CLDN14: variants seen among roughly 807,000 people sequenced by gnomAD.
CLDN14 encodes the protein claudin-14.
CLDN14 carries 2 observed loss-of-function variants against 2.1 expected under a neutral mutation model. That is an observed-to-expected ratio of 0.96 (90% CI 0.39 to 3.01). The LOEUF is 3.01. Among genes scored for constraint, CLDN14 ranks in the 30% most tolerant of loss-of-function variants. The probability of loss-of-function intolerance (pLI) is 0.09; values close to 1 mark genes in which losing one functional copy is unlikely to be tolerated. For missense variants in CLDN14, 298 were observed against 328.0 expected (o/e 0.91, Z 0.71); for synonymous variants, 136 against 154.4 (o/e 0.88, Z 0.88).
At chr21:36,561,867 T>C (rs1231676943) in intron 1 of CLDN14, among the ~76,000 whole-genome samples, 1 of 151,432 alleles carries the variant, frequency 6.6e-6, no homozygotes, top group Non-Finnish European at 1.5e-5. Context: ...CAAACCTCTA[T>C]GGTTTGGTCC....
At chr21:36,523,882 C>T (rs1399120478) in intron 1 of CLDN14, among the ~76,000 whole-genome samples, 1 of 151,890 alleles carries the variant, frequency 6.6e-6, no homozygotes, top group Admixed American at 6.6e-5. Context: ...TGGGAAGGGA[C>T]TGCCCTTACT....
intron 1 of CLDN14, among the ~76,000 whole-genome samples, chr21:36,552,304 A>G (rs2087568547): frequency 6.6e-6 from 1 of 152,258 alleles, no homozygotes. Flanking sequence ...GGCAACTGCA[A>G]AGACGCATGC....
chr21:36,549,907 G>A (rs1390653411), intron 1 of CLDN14, among the ~76,000 whole-genome samples: 3 of 152,188 alleles, frequency 2.0e-5, no homozygotes, highest in Non-Finnish European at 4.4e-5. Context: ...CACGGATGAC[G>A]CTTGAAAGCC....
chr21:36,532,404 A>AG (rs1286170076), intron 1 of CLDN14: 2 of 151,944 alleles, frequency 1.3e-5, no homozygotes, highest in Non-Finnish European at 2.9e-5. Flanking sequence ...GTTTAAAAAA[A>AG]AAAATGTCCT....
chr21:36,531,511 C>T (rs978646062), intron 1 of CLDN14, among the ~76,000 whole-genome samples: 4 of 151,708 alleles, frequency 2.6e-5, no homozygotes, highest in Non-Finnish European at 5.9e-5. Context: ...GTGATCCACA[C>T]GCCTCAGCCT....
chr21:36,517,290 A>C (rs1051879981), intron 1 of CLDN14, among the ~76,000 whole-genome samples: 18 of 152,254 alleles, frequency 1.2e-4, no homozygotes, highest in Non-Finnish European at 7.3e-5. Context: ...AGCTGTTTTC[A>C]TCCTACCACT....
At chr21:36,535,704 T>C (rs1050630142) in intron 1 of CLDN14, among the ~76,000 whole-genome samples, 2 of 152,190 alleles carry the variant, frequency 1.3e-5, no homozygotes, top group South Asian at 4.1e-4. Context: ...GGTGACTTAG[T>C]TGGTTTCAGG....
chr21:36,539,095 C>A (rs564885550), intron 1 of CLDN14, among the ~76,000 whole-genome samples: 4 of 152,348 alleles, frequency 2.6e-5, no homozygotes, highest in African/African-American at 9.6e-5. Flanking sequence ...TGTTGTAACC[C>A]CCGCCAATTT....
chr21:36,462,192 C>T (rs898683411), intron 1 of CLDN14, among the ~76,000 whole-genome samples: 19 of 152,170 alleles, frequency 1.2e-4, no homozygotes, highest in Non-Finnish European at 1.8e-4. Flanking sequence ...TAGCCCTGGG[C>T]GGTTGTCAGG....
At chr21:36,465,744 C>G (rs1370285433) in intron 1 of CLDN14, among the ~76,000 whole-genome samples, 1 of 152,212 alleles carries the variant, frequency 6.6e-6, no homozygotes, top group Non-Finnish European at 1.5e-5. Context: ...TGTGGGCTAC[C>G]ATTTTCCTGC....
chr21:36,494,554 T>C (rs1395731984), intron 2 of CLDN14, among the ~76,000 whole-genome samples: 2 of 152,206 alleles, frequency 1.3e-5, no homozygotes, highest in Non-Finnish European at 1.5e-5. Context: ...TGCCTTAGAA[T>C]GTGGCTGTAC....
intron 1 of CLDN14, among the ~76,000 whole-genome samples, chr21:36,567,019 G>A (rs756465915): frequency 4.6e-5 from 7 of 152,210 alleles, no homozygotes; most frequent in Non-Finnish European, 1.0e-4. Context: ...GAAAGATGCT[G>A]GAGCTACATT....
chr21:36,474,075 T>C (rs943328229), intron 1 of CLDN14, among the ~76,000 whole-genome samples: 1 of 152,098 alleles, frequency 6.6e-6, no homozygotes, highest in African/African-American at 2.4e-5. Flanking sequence ...GCCCAGAGAA[T>C]TCTTTCAGGA....
chr21:36,571,407 G>C (rs1342827202), intron 1 of CLDN14, among the ~76,000 whole-genome samples: 1 of 152,198 alleles, frequency 6.6e-6, no homozygotes, highest in Non-Finnish European at 1.5e-5. Flanking sequence ...GTAATGCAGA[G>C]CTCATACAAT....
chr21:36,502,245 A>G (rs7278181), intron 2 of CLDN14, among the ~76,000 whole-genome samples: 1 of 152,244 alleles, frequency 6.6e-6, no homozygotes, highest in Non-Finnish European at 1.5e-5. Context: ...AACTTGTCCA[A>G]CATTACAAAG....
chr21:36,567,007 A>G (rs1450776748), intron 1 of CLDN14, among the ~76,000 whole-genome samples: 4 of 152,340 alleles, frequency 2.6e-5, no homozygotes, highest in African/African-American at 9.6e-5. Flanking sequence ...AAAGGCAAAC[A>G]TGAAAGATGC....
intron 1 of CLDN14, among the ~76,000 whole-genome samples, chr21:36,543,854 AAAC>A (rs769645395): frequency 4.1e-4 from 63 of 152,242 alleles, no homozygotes; most frequent in Non-Finnish European, 6.6e-4. Context: ...TCTGACACGT[AAAC>A]AGCCACCCCC....
At chr21:36,563,047 G>A (rs1348368457) in intron 1 of CLDN14, among the ~76,000 whole-genome samples, 4 of 151,900 alleles carry the variant, frequency 2.6e-5, no homozygotes, top group Non-Finnish European at 4.4e-5. Context: ...CTTCAGGGGA[G>A]TCATATTTCA....
chr21:36,473,789 A>G (rs1314165402), intron 1 of CLDN14, among the ~76,000 whole-genome samples: 7 of 152,160 alleles, frequency 4.6e-5, no homozygotes, highest in Admixed American at 3.9e-4. Context: ...ATGAGGATAG[A>G]GGTAGGAAGA....
Sources: allele counts gnomAD v4.1 joint callset (sites outside exome capture counted in the v4.1 genomes callset), GRCh38; gene constraint gnomAD v4.1.1; transcripts MANE v1.5; gene names NCBI Gene and HGNC (gene_info 2026-07-23, HGNC 2026-07-21).